The following ZNF644 variants were observed in gnomAD, a reference collection of about 807,000 sequenced individuals.
The protein encoded by ZNF644 is zinc finger protein 644, also known as zinc finger motif enhancer binding protein 2.
A neutral mutation model predicts 108.0 loss-of-function variants in ZNF644; 20 were observed. The ratio of observed to expected loss-of-function variants is 0.19; its 90% CI spans 0.13 to 0.27. The LOEUF is 0.27. ZNF644 is among the 10% of genes least tolerant of loss of function. The pLI is 1.00. For synonymous variants in ZNF644, 542 were observed against 539.1 expected, an observed-to-expected ratio of 1.01 and a Z score of -0.08; for missense variants, 1,338 against 1,548.9, an observed-to-expected ratio of 0.86 and a Z score of 2.29.
Position 90,940,544 on chromosome 1 carries a change from C to T in ZNF644, c.810G>A (p.Met270Ile), listed in dbSNP as rs760193914. ...DPQKEFIQFL[M>I]TNEETVDKAP... The stretch of plus-strand genomic sequence containing the variant: ...CTTTATCTACTGTTTCCTCATTAGT[C>T]ATAAGAAATTGAATGAACTCTTTTT... Residue 270 changes from methionine (M) to isoleucine (I), a missense_variant, in exon 3 of 6, where the codon ATG becomes ATA. Transcript: ENST00000337393. The T allele has an allele frequency of 1.2e-6, 2 of 1,613,700 alleles. No homozygotes were observed. The highest frequency in any genetic ancestry group is 1.7e-6 in the Non-Finnish European group (2 of 1,179,918).
At chr1:90,984,774 A>G (rs1258037941) in intron 1 of ZNF644, among the ~76,000 whole-genome samples, 1 of 152,176 alleles carries the variant, frequency 6.6e-6, no homozygotes, top group Non-Finnish European at 1.5e-5. Flanking sequence ...CTCAGGAGAA[A>G]CAAAACCTGC....
intron 2 of ZNF644, among the ~76,000 whole-genome samples, chr1:90,956,557 A>C (rs753130913): frequency 2.0e-5 from 3 of 152,144 alleles, no homozygotes; most frequent in Non-Finnish European, 2.9e-5. Context: ...TGTAGAGGAA[A>C]ATTTACAGCT....
chr1:91,009,591 C>T (rs1659750521), intron 1 of ZNF644, among the ~76,000 whole-genome samples: 1 of 152,208 alleles, frequency 6.6e-6, no homozygotes, highest in South Asian at 2.1e-4. Context: ...TGTTTTCCTG[C>T]CAGCTCCAAT....
chr1:90,939,313 G>A lies in ZNF644; in HGVS notation c.2041C>T (p.Pro681Ser). 2 of 1,613,974 alleles carry A rather than the reference G, an allele frequency of 1.2e-6. No individual in the cohort carries two copies. The highest frequency in any genetic ancestry group is 1.7e-6 in the Non-Finnish European group (2 of 1,179,944). ...SSSFSKIHKR[P>S]HRIQKARKSI... is the part of the protein sequence containing the mutation. ...TTCCGAGCTTTCTGTATTCTGTGTGGCCGCTTATGAATTTTTGAAAAACTA... is the reference window on the plus strand; with the variant it reads ...TTCCGAGCTTTCTGTATTCTGTGTGACCGCTTATGAATTTTTGAAAAACTA... Residue 681 changes from proline (P) to serine (S), a missense_variant, in exon 3 of 6, where the codon CCA becomes TCA. By Grantham distance (74) the Pro-to-Ser change is moderately conservative (BLOSUM62 -1). This residue lies in a region of ZNF644 where 462 missense variants were observed against 472.6 expected (regional missense o/e 0.98). Transcript: ENST00000337393.
intron 2 of ZNF644, among the ~76,000 whole-genome samples, chr1:90,968,632 A>AT (rs1655163238): frequency 6.6e-6 from 1 of 152,162 alleles, no homozygotes; most frequent in African/African-American, 2.4e-5. Context: ...GACAGTACAA[A>AT]TTTTTACTGT....
intron 1 of ZNF644, among the ~76,000 whole-genome samples, chr1:91,002,063 T>G (rs1437641609): frequency 6.6e-6 from 1 of 152,204 alleles, no homozygotes; most frequent in Non-Finnish European, 1.5e-5. Flanking sequence ...TCCATGCTCA[T>G]GGATAGGAAG....
At chr1:90,926,191 C>A (rs1393867851) in intron 4 of ZNF644, among the ~76,000 whole-genome samples, 1 of 152,162 alleles carries the variant, frequency 6.6e-6, no homozygotes, top group Non-Finnish European at 1.5e-5. Flanking sequence ...TCCATGAAGG[C>A]TGCACATAGG....
intron 2 of ZNF644, among the ~76,000 whole-genome samples, chr1:90,980,249 CTTCAGATAGGCTATTTCAGAAGA>C (rs1392096642): frequency 6.6e-6 from 1 of 152,156 alleles, no homozygotes; most frequent in Non-Finnish European, 1.5e-5. Context: ...TCAGATGATG[CTTCAGATAGGCTATTTCAGAAGA>C]TAAGCTGACA....
intron 2 of ZNF644, among the ~76,000 whole-genome samples, chr1:90,951,813 C>T (rs1653203731): frequency 6.6e-6 from 1 of 152,198 alleles, no homozygotes. Flanking sequence ...ACCTTGCTAA[C>T]TGAATACCTC....
At chr1:91,020,467 T>C (rs1283215455) in intron 1 of ZNF644, 1 of 152,208 alleles carries the variant, frequency 6.6e-6, no homozygotes, top group East Asian at 1.9e-4. Context: ...TGTTAGAAAT[T>C]GTAAGACTTT....
At chr1:90,985,215 T>C (rs1051875227) in intron 1 of ZNF644, among the ~76,000 whole-genome samples, 1 of 152,216 alleles carries the variant, frequency 6.6e-6, no homozygotes. Context: ...ATTATCTATT[T>C]ATGGGGTACA....
intron 2 of ZNF644, among the ~76,000 whole-genome samples, chr1:90,954,919 C>A (rs778036976): frequency 2.0e-5 from 3 of 152,178 alleles, no homozygotes; most frequent in Non-Finnish European, 2.9e-5. Flanking sequence ...AGAAAGTTTT[C>A]AATTTACTTT....
At chr1:90,928,590 T>C (rs1000499398) in intron 4 of ZNF644, among the ~76,000 whole-genome samples, 21 of 152,198 alleles carry the variant, frequency 1.4e-4, no homozygotes, top group Middle Eastern at 6.8e-3. Context: ...CCCAAAGTAA[T>C]GGGATTACAA....
intron 1 of ZNF644, among the ~76,000 whole-genome samples, chr1:91,006,559 C>T (rs537923862): frequency 6.6e-6 from 1 of 152,292 alleles, no homozygotes; most frequent in East Asian, 1.9e-4. Context: ...TGCCCTCATA[C>T]CAAAATCTGA....
chr1:90,978,736 C>A (rs1410468275), intron 2 of ZNF644, among the ~76,000 whole-genome samples: 2 of 151,744 alleles, frequency 1.3e-5, no homozygotes, highest in Non-Finnish European at 2.9e-5. Flanking sequence ...AGTCTAAAGT[C>A]TTTGTGGAGA....
intron 2 of ZNF644, among the ~76,000 whole-genome samples, chr1:90,946,186 C>T (rs1040816722): frequency 2.6e-5 from 4 of 152,036 alleles, no homozygotes; most frequent in African/African-American, 9.7e-5. Flanking sequence ...ATACCATACA[C>T]AATGTACAAA....
chr1:90,986,202 C>T (rs1286939320), intron 1 of ZNF644, among the ~76,000 whole-genome samples: 2 of 151,824 alleles, frequency 1.3e-5, no homozygotes, highest in African/African-American at 2.4e-5. Context: ...TATAACACAT[C>T]CTCCCAAAAA....
intron 1 of ZNF644, among the ~76,000 whole-genome samples, chr1:90,984,241 C>A (rs1340762126): frequency 2.0e-5 from 3 of 152,174 alleles, no homozygotes; most frequent in Non-Finnish European, 4.4e-5. Context: ...CTGAAGACAG[C>A]AAGTTCTCAA....
intron 2 of ZNF644, among the ~76,000 whole-genome samples, chr1:90,975,990 T>C (rs939937254): frequency 9.2e-5 from 14 of 152,122 alleles, no homozygotes; most frequent in African/African-American, 3.1e-4. Flanking sequence ...TTTGAAAAAA[T>C]AGCACAAGGA....
Sources: allele counts gnomAD v4.1 joint callset (sites outside exome capture counted in the v4.1 genomes callset), GRCh38; gene constraint gnomAD v4.1.1; regional missense constraint gnomAD v4.1.1; transcripts MANE v1.5; gene names NCBI Gene and HGNC (gene_info 2026-07-23, HGNC 2026-07-21).